Variants in MACROD2 observed in about 807,000 individuals in gnomAD.
The protein encoded by MACROD2 is ADP-ribose glycohydrolase MACROD2.
A neutral mutation model predicts 70.4 loss-of-function variants in MACROD2; 36 were observed. The observed-to-expected ratio is 0.51, with a 90% CI of 0.39 to 0.68. MACROD2 has a LOEUF of 0.68. Ranked by LOEUF, MACROD2 falls within the 30% of genes least tolerant of loss-of-function variation. MACROD2 has a pLI of 0.00. For missense variants in MACROD2, 496 were observed against 538.4 expected, an observed-to-expected ratio of 0.92 and a Z score of 0.78; for synonymous variants, 172 against 178.8, an observed-to-expected ratio of 0.96 and a Z score of 0.30.
intron 3 of MACROD2, among the ~76,000 whole-genome samples, chr20:14,162,538 G>A (rs2055205672): frequency 6.6e-6 from 1 of 152,062 alleles, no homozygotes; most frequent in South Asian, 2.1e-4. Context: ...ATATACCTGG[G>A]TGCTCCAGTG....
intron 4 of MACROD2, among the ~76,000 whole-genome samples, chr20:14,556,299 G>T (rs537446829): frequency 6.6e-6 from 1 of 152,006 alleles, no homozygotes; most frequent in Non-Finnish European, 1.5e-5. Context: ...TACGAAGATG[G>T]CAAGGAAGTC....
intron 5 of MACROD2, among the ~76,000 whole-genome samples, chr20:15,088,253 A>G (rs62202808): frequency 0.14 from 21,520 of 151,414 alleles, 1,697 homozygotes; most frequent in Middle Eastern, 0.18. Flanking sequence ...CCTGGAAACA[A>G]TCTGAGTGTC....
chr20:14,022,104 T>C (rs759352046), intron 2 of MACROD2, among the ~76,000 whole-genome samples: 9 of 152,180 alleles, frequency 5.9e-5, no homozygotes, highest in Non-Finnish European at 1.3e-4. Flanking sequence ...TGGAAAGTGA[T>C]TTTGGCGAAT....
At chr20:14,572,380 A>T (rs1980249827) in intron 4 of MACROD2, among the ~76,000 whole-genome samples, 1 of 152,150 alleles carries the variant, frequency 6.6e-6, no homozygotes, top group Non-Finnish European at 1.5e-5. Context: ...TAGCTACTAA[A>T]GCTGAACATA....
chr20:15,252,511 G>A (rs1350220192), intron 6 of MACROD2, among the ~76,000 whole-genome samples: 3 of 152,150 alleles, frequency 2.0e-5, no homozygotes, highest in Non-Finnish European at 2.9e-5. Context: ...GAGAGAAGGC[G>A]GTTCTTAAAG....
At chr20:15,118,151 C>G (rs930926864) in intron 5 of MACROD2, among the ~76,000 whole-genome samples, 11 of 151,292 alleles carry the variant, frequency 7.3e-5, no homozygotes, top group Non-Finnish European at 1.5e-4. Context: ...AACCCTACTT[C>G]TTAAGCCAAG....
intron 8 of MACROD2, among the ~76,000 whole-genome samples, chr20:15,768,775 C>A (rs777736555): frequency 5.3e-5 from 8 of 152,010 alleles, no homozygotes; most frequent in African/African-American, 1.9e-4. Flanking sequence ...ATCTTTATTC[C>A]GTAAGCTTTT....
At chr20:14,968,387 C>T (rs1462840133) in intron 5 of MACROD2, among the ~76,000 whole-genome samples, 1 of 152,046 alleles carries the variant, frequency 6.6e-6, no homozygotes, top group Non-Finnish European at 1.5e-5. Flanking sequence ...TGTGTTAGAC[C>T]AACATCCTCA....
chr20:15,536,185 T>C (rs1191231928), intron 8 of MACROD2, among the ~76,000 whole-genome samples: 1 of 152,180 alleles, frequency 6.6e-6, no homozygotes, highest in African/African-American at 2.4e-5. Context: ...CATTAATATA[T>C]TTGCCCAAGA....
intron 9 of MACROD2, among the ~76,000 whole-genome samples, chr20:15,871,627 T>C (rs1038334892): frequency 1.3e-5 from 2 of 152,166 alleles, no homozygotes; most frequent in Non-Finnish European, 2.9e-5. Context: ...ACCAGATTGA[T>C]TGGGACAGTT....
At chr20:14,184,736 T>G (rs1281362646) in intron 3 of MACROD2, among the ~76,000 whole-genome samples, 1 of 152,072 alleles carries the variant, frequency 6.6e-6, no homozygotes, top group East Asian at 1.9e-4. Context: ...TGTAGAGATA[T>G]TTCACCTTCC....
At chr20:15,349,684 A>G (rs1201126649) in intron 6 of MACROD2, among the ~76,000 whole-genome samples, 1 of 148,222 alleles carries the variant, frequency 6.7e-6, no homozygotes, top group Non-Finnish European at 1.5e-5. Context: ...TGAACCTGGG[A>G]GGCGGAGGTT....
At chr20:15,700,671 T>TA in intron 8 of MACROD2, among the ~76,000 whole-genome samples, 1 of 152,310 alleles carries the variant, frequency 6.6e-6, no homozygotes, top group South Asian at 2.1e-4. Flanking sequence ...TGTTGTCTTT[T>TA]AAAACAAGGC....
At chr20:15,482,059 G>A (rs1568839071) in intron 7 of MACROD2, among the ~76,000 whole-genome samples, 1 of 152,150 alleles carries the variant, frequency 6.6e-6, no homozygotes, top group Admixed American at 6.5e-5. Context: ...TCCAGGCTCG[G>A]ATTTCCTCCT....
chr20:14,767,133 A>G (rs1295090034), intron 5 of MACROD2, among the ~76,000 whole-genome samples: 1 of 152,116 alleles, frequency 6.6e-6, no homozygotes, highest in African/African-American at 2.4e-5. Flanking sequence ...GTTCAAGACC[A>G]GCCTAGGCAA....
intron 5 of MACROD2, among the ~76,000 whole-genome samples, chr20:14,891,347 A>G (rs182566672): frequency 6.6e-6 from 1 of 152,294 alleles, no homozygotes; most frequent in East Asian, 1.9e-4. Flanking sequence ...TACACTGAAT[A>G]TGAGGAAAAA....
At chr20:14,990,453 C>G (rs1283625690) in intron 5 of MACROD2, among the ~76,000 whole-genome samples, 1 of 151,662 alleles carries the variant, frequency 6.6e-6, no homozygotes, top group East Asian at 1.9e-4. Flanking sequence ...CCACATAAGG[C>G]CCTTGTTTCT....
At chr20:15,746,841 C>T (rs981668231) in intron 8 of MACROD2, among the ~76,000 whole-genome samples, 1 of 151,914 alleles carries the variant, frequency 6.6e-6, no homozygotes, top group Non-Finnish European at 1.5e-5. Context: ...TTCGAGTGGC[C>T]ATGAAGAAAA....
intron 5 of MACROD2, among the ~76,000 whole-genome samples, chr20:15,016,870 A>G (rs2075125660): frequency 6.6e-6 from 1 of 152,142 alleles, no homozygotes; most frequent in Admixed American, 6.6e-5. Flanking sequence ...ATAGCACAAA[A>G]AAGACCAGCC....
Sources: allele counts gnomAD v4.1 joint callset (sites outside exome capture counted in the v4.1 genomes callset), GRCh38; gene constraint gnomAD v4.1.1; transcripts MANE v1.5; gene names NCBI Gene and HGNC (gene_info 2026-07-23, HGNC 2026-07-21).